The following HDAC4 variants were observed in gnomAD, a reference collection of about 807,000 sequenced individuals.
HDAC4 encodes the protein histone deacetylase A.
Under a neutral mutation model 135.1 loss-of-function variants are expected in HDAC4, and 16 were observed. The observed-to-expected ratio is 0.12, with a 90% CI of 0.08 to 0.18. The LOEUF is 0.18. HDAC4 is among the 10% of genes least tolerant of loss of function. The probability of loss-of-function intolerance (pLI) is 1.00; values close to 1 mark genes in which losing one functional copy is unlikely to be tolerated. For synonymous variants in HDAC4, 685 were observed against 653.4 expected, an observed-to-expected ratio of 1.05 and a Z score of -0.74; for missense variants, 1,143 against 1,511.8, an observed-to-expected ratio of 0.76 and a Z score of 4.05.
chr2:239,304,768 C>T (rs2052478093), intron 2 of HDAC4, among the ~76,000 whole-genome samples: 1 of 152,176 alleles, frequency 6.6e-6, no homozygotes, highest in African/African-American at 2.4e-5. Context: ...CTTAATGGAG[C>T]TTAGGAATGA....
Position 239,309,066 on chromosome 2 carries a change from C to T in HDAC4, c.22+43612G>A, listed in dbSNP as rs180780632. On this transcript the variant is annotated intron_variant, in intron 2 of 26. Coordinates refer to ENST00000543185, the MANE Select transcript of HDAC4 (RefSeq NM_001378414.1). This position sits in a 1 kb window ranked among gnomAD's most constrained non-coding sequence, Gnocchi z 4.2. ...ACAAGTTTCTTAAAAAAGAGTTAAT[C>T]GTACTGACTTGGTGCTTTACCTTCA... 3.3e-5 allele frequency: 5 copies of T among 152,228 alleles called. No individual in the cohort carries two copies. The highest frequency in any genetic ancestry group is 3.9e-4 in the East Asian group (2 of 5,166). The allele number at this position is 152,228 out of a possible 1,614,324, so 9.4% of individuals were successfully genotyped here.
chr2:239,291,890 T>C (rs1343022467), intron 2 of HDAC4, among the ~76,000 whole-genome samples: 2 of 152,190 alleles, frequency 1.3e-5, no homozygotes, highest in Admixed American at 6.5e-5. Context: ...TGCATGAAAA[T>C]AGAACCTTTG....
At chr2:239,054,300 C>CT (rs2031419155) in intron 25 of HDAC4, among the ~76,000 whole-genome samples, 1 of 152,082 alleles carries the variant, frequency 6.6e-6, no homozygotes, top group South Asian at 2.1e-4. Flanking sequence ...GGACCTGCTG[C>CT]TTGAGGGTCG....
chr2:239,243,400 C>T (rs1370552781), intron 2 of HDAC4, among the ~76,000 whole-genome samples: 1 of 152,202 alleles, frequency 6.6e-6, no homozygotes, highest in African/African-American at 2.4e-5. Context: ...GATCCGCCTG[C>T]CTCGGCCTCC....
intron 3 of HDAC4, among the ~76,000 whole-genome samples, chr2:239,235,794 CT>C (rs2047854971): frequency 6.6e-6 from 1 of 152,206 alleles, no homozygotes; most frequent in African/African-American, 2.4e-5. Context: ...AATTCCAGCA[CT>C]TTGGGAGGCC....
At position 239,400,014 on chromosome 2, in the gene HDAC4, G is replaced by A. The variant is rs758207926; in HGVS notation, c.-220+964C>T. Among the ~76,000 whole-genome samples, 1 of 152,154 alleles carries A rather than the reference G, an allele frequency of 6.6e-6. No individual in the cohort carries two copies. Among genetic ancestry groups the A allele is most frequent in the South Asian group, 2.1e-4 (1 of 4,832 alleles). ...CCCGGCCTTTCCAACTGATACGCAC[G>A]GTCTCCTCCTATAACAGTGTCAAAT... On this transcript the variant is annotated intron_variant, in intron 1 of 26. Coordinates refer to ENST00000543185, the MANE Select transcript of HDAC4 (RefSeq NM_001378414.1). The surrounding 1 kb of genome is among the most constrained non-coding windows in gnomAD (Gnocchi z 4.7).
intron 3 of HDAC4, among the ~76,000 whole-genome samples, chr2:239,236,291 G>A: frequency 6.6e-6 from 1 of 152,196 alleles, no homozygotes; most frequent in Non-Finnish European, 1.5e-5. Flanking sequence ...GGGGATCAGG[G>A]CCAGGGGTTA....
chr2:239,236,369 AC>A lies in HDAC4; in HGVS notation c.94+223del, dbSNP rs2047887264. ...TTTAGCACCAGAGAGAAAAAAAACA[AC>A]AAAAAATCAGCATTTCTCTACCATT... On this transcript the variant is annotated intron_variant, in intron 3 of 26. Coordinates refer to ENST00000543185, the MANE Select transcript of HDAC4 (RefSeq NM_001378414.1). Among the ~76,000 whole-genome samples the A allele has an allele frequency of 3.3e-5, 5 of 152,334 alleles. No homozygotes were observed. The South Asian group carries it at 1.0e-3, about 32-fold the overall frequency.
intron 2 of HDAC4, among the ~76,000 whole-genome samples, chr2:239,247,765 C>A (rs993232032): frequency 6.6e-6 from 1 of 152,118 alleles, no homozygotes; most frequent in Non-Finnish European, 1.5e-5. Context: ...TGGCCATTTG[C>A]GGAAAGTCTA....
At chr2:239,225,234 G>T (rs2047173479) in intron 3 of HDAC4, among the ~76,000 whole-genome samples, 2 of 152,148 alleles carry the variant, frequency 1.3e-5, no homozygotes, top group African/African-American at 4.8e-5. Flanking sequence ...ATACAAATTA[G>T]AACTTATCCA....
intron 1 of HDAC4, among the ~76,000 whole-genome samples, chr2:239,363,476 C>A (rs1693986325): frequency 6.6e-6 from 1 of 152,128 alleles, no homozygotes; most frequent in African/African-American, 2.4e-5. Flanking sequence ...AGGATTCCAC[C>A]CCAAATCCAT....
At chr2:239,389,371 G>A (rs560115369) in intron 1 of HDAC4, among the ~76,000 whole-genome samples, 4 of 152,230 alleles carry the variant, frequency 2.6e-5, no homozygotes, top group South Asian at 2.1e-4. Flanking sequence ...CACTTGCCGC[G>A]AAGGTCCGCA....
At chr2:239,329,280 A>G (rs534870986) in intron 2 of HDAC4, among the ~76,000 whole-genome samples, 2 of 152,324 alleles carry the variant, frequency 1.3e-5, no homozygotes, top group East Asian at 3.9e-4. Flanking sequence ...AATGACAGGA[A>G]CCCTCCATTA....
At chr2:239,337,627 C>T (rs988829771) in intron 2 of HDAC4, among the ~76,000 whole-genome samples, 1 of 152,156 alleles carries the variant, frequency 6.6e-6, no homozygotes. Flanking sequence ...CCTCTGAGCT[C>T]CCAACTTGCT....
intron 4 of HDAC4, among the ~76,000 whole-genome samples, chr2:239,180,314 C>T (rs3791538): frequency 0.085 from 12,894 of 152,126 alleles, 624 homozygotes; most frequent in East Asian, 0.16. Context: ...TGGTCACAGG[C>T]GGTGCAGGGG....
intron 15 of HDAC4, among the ~76,000 whole-genome samples, chr2:239,105,366 G>T (rs1320507239): frequency 6.6e-6 from 1 of 152,210 alleles, no homozygotes; most frequent in Non-Finnish European, 1.5e-5. Flanking sequence ...TGGCTCCCGG[G>T]AAGCCTCTGC....
intron 19 of HDAC4, among the ~76,000 whole-genome samples, chr2:239,086,895 C>T (rs1238597333): frequency 6.6e-6 from 1 of 152,224 alleles, no homozygotes; most frequent in African/African-American, 2.4e-5. Flanking sequence ...ACTAGAGCGG[C>T]TACCGTCCCA....
chr2:239,246,853 T>A (rs1286626867), intron 2 of HDAC4, among the ~76,000 whole-genome samples: 2 of 152,224 alleles, frequency 1.3e-5, no homozygotes, highest in African/African-American at 2.4e-5. Context: ...CCTGAGAGGA[T>A]GTCCACTGCC....
At position 239,134,316 on chromosome 2, in the gene HDAC4, G is replaced by C; in HGVS notation, c.1223C>G (p.Ala408Gly). The change falls in exon 11 of 27, where the codon GCA becomes GGA. Residue 408 changes from alanine (A) to glycine (G), a missense_variant. Coordinates refer to ENST00000543185, the MANE Select transcript of HDAC4 (RefSeq NM_001378414.1). Reference protein sequence around the residue: ...STSPLERDGGAAHSPLLQHMV... With the variant: ...STSPLERDGGGAHSPLLQHMV... Reference sequence around the variant, plus strand: ...GTGCTGCAGAAGAGGGCTGTGCGCTGCCCCTCCGTCCCGCTCCAAGGGCGA... The same window carrying C: ...GTGCTGCAGAAGAGGGCTGTGCGCTCCCCCTCCGTCCCGCTCCAAGGGCGA... 3 of 1,613,762 alleles carry C rather than the reference G, an allele frequency of 1.9e-6. No individual in the cohort carries two copies. The highest frequency in any genetic ancestry group is 2.5e-6 in the Non-Finnish European group (3 of 1,180,010).
Sources: gnomAD v4.1 joint callset for allele counts (sites outside exome capture counted in the v4.1 genomes callset) on GRCh38, gnomAD v4.1.1 for gene constraint, Gnocchi (gnomAD v3.1) non-coding constraint, MANE v1.5 for transcripts, NCBI Gene and HGNC (gene_info 2026-07-23, HGNC 2026-07-21) for gene names.